COL25A1: variants seen among roughly 807,000 people sequenced by gnomAD.
COL25A1 encodes the protein collagen type XXV alpha 1 chain.
A neutral mutation model predicts 128.4 loss-of-function variants in COL25A1; 103 were observed. That is an observed-to-expected ratio of 0.80 (90% CI 0.68 to 0.94). The LOEUF is 0.94. Among genes scored for constraint, COL25A1 ranks in the 40% least tolerant of loss-of-function variants. The probability of loss-of-function intolerance (pLI) is 0.00; values close to 1 mark genes in which losing one functional copy is unlikely to be tolerated. For missense variants in COL25A1, 745 were observed against 840.0 expected (o/e 0.89, Z 1.40); for synonymous variants, 279 against 277.2 (o/e 1.01, Z -0.06).
At chr4:108,899,995 G>A (rs547447666) in intron 14 of COL25A1, among the ~76,000 whole-genome samples, 1 of 152,174 alleles carries the variant, frequency 6.6e-6, no homozygotes, top group East Asian at 1.9e-4. Context: ...TTGAGTGAAT[G>A]TTGCCATAAG....
intron 3 of COL25A1, among the ~76,000 whole-genome samples, chr4:109,174,637 T>C (rs78034253): frequency 1.3e-4 from 20 of 152,294 alleles, no homozygotes; most frequent in Admixed American, 9.2e-4. Flanking sequence ...GAAACTGCTG[T>C]CAATGTCACC....
intron 13 of COL25A1, among the ~76,000 whole-genome samples, chr4:108,914,702 G>A (rs541121151): frequency 4.9e-5 from 6 of 122,366 alleles, no homozygotes; most frequent in Non-Finnish European, 7.9e-5. Context: ...TGTTGCCCAC[G>A]CTGGAGTGCA....
At chr4:109,260,557 A>G (rs1781376246) in intron 3 of COL25A1, among the ~76,000 whole-genome samples, 1 of 151,984 alleles carries the variant, frequency 6.6e-6, no homozygotes, top group Non-Finnish European at 1.5e-5. Context: ...GTGCAGTGGC[A>G]CGATCTTGGC....
chr4:108,940,488 C>T (rs1209452255), intron 10 of COL25A1, 51 bp downstream of exon 10: 1 of 1,506,136 alleles, frequency 6.6e-7, no homozygotes. Context: ...GTTCTCAGCC[C>T]TTAACATGAA....
At chr4:109,189,203 T>C (rs1312914836) in intron 3 of COL25A1, among the ~76,000 whole-genome samples, 2 of 152,154 alleles carry the variant, frequency 1.3e-5, no homozygotes, top group Non-Finnish European at 2.9e-5. Context: ...TTCTTTAAGA[T>C]ATATTCCCAC....
intron 18 of COL25A1, among the ~76,000 whole-genome samples, chr4:108,885,794 G>T (rs528895520): frequency 6.6e-6 from 1 of 152,218 alleles, no homozygotes; most frequent in African/African-American, 2.4e-5. Context: ...TATTCTTTCA[G>T]AAAAGTCCCC....
chr4:109,059,428 G>T (rs1309519728), intron 3 of COL25A1, among the ~76,000 whole-genome samples: 1 of 152,174 alleles, frequency 6.6e-6, no homozygotes, highest in Non-Finnish European at 1.5e-5. Flanking sequence ...ACACACAACT[G>T]CCTGAAGGAA....
At chr4:108,980,993 C>T (rs960357610) in intron 6 of COL25A1, among the ~76,000 whole-genome samples, 2 of 152,224 alleles carry the variant, frequency 1.3e-5, no homozygotes, top group Admixed American at 6.5e-5. Context: ...ACTGCCTACT[C>T]CCTAAATTGC....
intron 3 of COL25A1, among the ~76,000 whole-genome samples, chr4:109,056,599 C>A: frequency 6.7e-6 from 1 of 148,204 alleles, no homozygotes; most frequent in Non-Finnish European, 1.5e-5. Context: ...ACTGAATGAA[C>A]ATAAAACACA....
intron 27 of COL25A1, among the ~76,000 whole-genome samples, chr4:108,848,268 G>T (rs1735340843): frequency 6.6e-6 from 1 of 152,170 alleles, no homozygotes; most frequent in African/African-American, 2.4e-5. Flanking sequence ...AACCCTCAGA[G>T]ATACACTACC....
At chr4:108,987,204 A>C (rs559322864) in intron 6 of COL25A1, among the ~76,000 whole-genome samples, 31 of 152,032 alleles carry the variant, frequency 2.0e-4, no homozygotes, top group Non-Finnish European at 3.2e-4. Flanking sequence ...TATCTTCCCC[A>C]ATTCTCCACA....
At chr4:109,065,979 C>T (rs1427977351) in intron 3 of COL25A1, among the ~76,000 whole-genome samples, 1 of 152,158 alleles carries the variant, frequency 6.6e-6, no homozygotes, top group Non-Finnish European at 1.5e-5. Flanking sequence ...AAATCCATAA[C>T]CTGGAGCTGA....
chr4:109,044,111 GTGTGTA>G lies in COL25A1; in HGVS notation c.420+4051_420+4056del, dbSNP rs1012934161. On this transcript the variant is annotated intron_variant, in intron 5 of 37. Transcript: ENST00000399132. ...ATAGTGTGTGTGTGTGTGTGTGTGT[GTGTGTA>G]TGTATGTATATAAATATATATATCT... Among the ~76,000 whole-genome samples, 2 of 142,422 alleles carry G rather than the reference GTGTGTA, an allele frequency of 1.4e-5. 1 individual carries two copies. Among genetic ancestry groups the G allele is most frequent in the Non-Finnish European group, 3.0e-5 (2 of 65,694 alleles). The allele number at this position is 142,422 out of a possible 152,430, so 93.4% of individuals were successfully genotyped here. A position where few individuals can be genotyped will look rare whatever the true frequency, so the allele number is the denominator to read the frequency against.
intron 16 of COL25A1, among the ~76,000 whole-genome samples, chr4:108,890,623 T>C (rs11098007): frequency 0.75 from 113,859 of 152,110 alleles, 43,185 homozygotes; most frequent in East Asian, 1. Context: ...CTCATGAATA[T>C]GCTAGAAGGA....
chr4:109,298,637 T>A (rs987161582), intron 3 of COL25A1, among the ~76,000 whole-genome samples: 1 of 152,234 alleles, frequency 6.6e-6, no homozygotes, highest in African/African-American at 2.4e-5. Flanking sequence ...TAGAAATAAA[T>A]AGTTTTCCCC....
chr4:109,292,179 G>A (rs1042349344), intron 3 of COL25A1, among the ~76,000 whole-genome samples: 1 of 151,916 alleles, frequency 6.6e-6, no homozygotes, highest in Admixed American at 6.6e-5. Context: ...GAGGCTATTG[G>A]CTTCTGCCTG....
chr4:108,869,192 A>ATGAT (rs1738387168), intron 19 of COL25A1, 42 bp from the exon 20 acceptor site: 5 of 567,172 alleles, frequency 8.8e-6, no homozygotes, highest in Non-Finnish European at 1.3e-5. Flanking sequence ...TCATTTGACA[A>ATGAT]TAAATAAATA....
At chr4:109,274,351 ACATAT>A (rs1485318768) in intron 3 of COL25A1, among the ~76,000 whole-genome samples, 1 of 152,202 alleles carries the variant, frequency 6.6e-6, no homozygotes, top group Non-Finnish European at 1.5e-5. Context: ...GAAAAGAAAA[ACATAT>A]CATTTTATAA....
Position 108,846,361 on chromosome 4 carries a change from GTT to G in COL25A1, c.1435-144_1435-143del, listed in dbSNP as rs529628547. On this transcript the variant is annotated intron_variant, in intron 27 of 37. Transcript: ENST00000399132. ...ATTCTGATTTTTGTTTTTAGGTAGA[GTT>G]ATTTCTTACAGCAACCTTCTACATG... 3.1e-3 allele frequency: 1,949 copies of G among 638,274 alleles called. 4 individuals carry two copies. Among genetic ancestry groups the G allele is most frequent in the Non-Finnish European group, 4.5e-3 (1,579 of 351,808 alleles). 39.5% of individuals were successfully genotyped at this position (638,274 alleles called of 1,614,324 possible).
Sources: allele counts gnomAD v4.1 joint callset (sites outside exome capture counted in the v4.1 genomes callset), GRCh38; gene constraint gnomAD v4.1.1; transcripts MANE v1.5; gene names NCBI Gene and HGNC (gene_info 2026-07-23, HGNC 2026-07-21).